The following HCRTR2 variants were observed in gnomAD, a reference collection of about 807,000 sequenced individuals.
HCRTR2 encodes the protein hypocretin receptor 2, also known as orexin receptor type 2.
Under a neutral mutation model 49.0 loss-of-function variants are expected in HCRTR2, and 22 were observed. That is an observed-to-expected ratio of 0.45 (90% CI 0.32 to 0.64). The LOEUF is 0.64. Ranked by LOEUF, HCRTR2 falls within the 30% of genes least tolerant of loss-of-function variation. The pLI, the probability that HCRTR2 is intolerant of heterozygous loss-of-function variation, is 0.04. For missense variants in HCRTR2, 491 were observed against 559.4 expected, an observed-to-expected ratio of 0.88 and a Z score of 1.23; for synonymous variants, 236 against 205.3, an observed-to-expected ratio of 1.15 and a Z score of -1.28.
chr6:55,215,801 A>G (rs1286272213), intron 1 of HCRTR2, among the ~76,000 whole-genome samples: 1 of 152,242 alleles, frequency 6.6e-6, no homozygotes, highest in Non-Finnish European at 1.5e-5. Flanking sequence ...CAAAGAAAAT[A>G]CCTACAGGTA....
At chr6:55,195,341 G>A (rs1213779433) in intron 1 of HCRTR2, among the ~76,000 whole-genome samples, 2 of 152,210 alleles carry the variant, frequency 1.3e-5, no homozygotes, top group South Asian at 2.1e-4. Flanking sequence ...ATACCATGAG[G>A]AAAGTGATCA....
chr6:55,122,794 A>G (rs1764219595), intron 1 of HCRTR2, among the ~76,000 whole-genome samples: 1 of 152,132 alleles, frequency 6.6e-6, no homozygotes, highest in Non-Finnish European at 1.5e-5. Context: ...GCCATAAAAA[A>G]TGATGAGTTC....
chr6:55,260,716 GAC>G (rs1286760263), intron 3 of HCRTR2, among the ~76,000 whole-genome samples: 1 of 152,158 alleles, frequency 6.6e-6, no homozygotes, highest in Non-Finnish European at 1.5e-5. Context: ...GCATCTGAAA[GAC>G]AGCCTATGGA....
intron 1 of HCRTR2, among the ~76,000 whole-genome samples, chr6:55,137,230 A>G (rs1186081954): frequency 6.6e-6 from 1 of 152,214 alleles, no homozygotes; most frequent in East Asian, 1.9e-4. Context: ...TAAGAAATAA[A>G]AAACCCTTCA....
chr6:55,150,040 C>T (rs1466918119), intron 1 of HCRTR2, among the ~76,000 whole-genome samples: 1 of 151,890 alleles, frequency 6.6e-6, no homozygotes, highest in Admixed American at 6.6e-5. Context: ...ATGATGTCAC[C>T]TTCAGGTCAA....
intron 1 of HCRTR2, among the ~76,000 whole-genome samples, chr6:55,191,033 C>A (rs184650681): frequency 6.6e-6 from 1 of 152,080 alleles, no homozygotes; most frequent in African/African-American, 2.4e-5. Flanking sequence ...ATTAAAACAC[C>A]TCCCTTGAAA....
At chr6:55,151,068 T>C (rs1275893424) in intron 1 of HCRTR2, among the ~76,000 whole-genome samples, 1 of 152,072 alleles carries the variant, frequency 6.6e-6, no homozygotes, top group Non-Finnish European at 1.5e-5. Context: ...AACAATCATC[T>C]GAATCTTTAG....
intron 3 of HCRTR2, among the ~76,000 whole-genome samples, chr6:55,258,707 T>A (rs1766698445): frequency 6.6e-6 from 1 of 152,152 alleles, no homozygotes; most frequent in Non-Finnish European, 1.5e-5. Flanking sequence ...AACCCACAAT[T>A]TCTTGCTTGC....
At chr6:55,192,282 G>C (rs1213306503) in intron 1 of HCRTR2, among the ~76,000 whole-genome samples, 2 of 152,040 alleles carry the variant, frequency 1.3e-5, no homozygotes, top group Non-Finnish European at 2.9e-5. Flanking sequence ...GGCTGGACAT[G>C]GTGGCTCACA....
chr6:55,282,239 G>A lies in HCRTR2; in HGVS notation c.1120G>A (p.Glu374Lys), dbSNP rs200240726. Residue 374 changes from glutamate (E) to lysine (K), a missense_variant, in exon 7 of 7, where the codon GAA (glutamate) becomes AAA (lysine). Physicochemically the swap from Glu to Lys is moderately conservative, Grantham distance 56 (BLOSUM62 1). Transcript: ENST00000370862. ...YNFLSGKFRE[E>K]FKAAFSCCCL... The stretch of plus-strand genomic sequence containing the variant: ...CTGTTTGCCAGGAAAATTTCGAGAG[G>A]AATTTAAAGCTGCGTTTTCTTGCTG... The A allele has an allele frequency of 1.2e-5, 19 of 1,613,198 alleles. No homozygotes were observed. Among genetic ancestry groups the A allele is most frequent in the Non-Finnish European group, 5.1e-6 (6 of 1,179,580 alleles).
upstream of HCRTR2, among the ~76,000 whole-genome samples, chr6:55,170,856 G>C (rs1009507847): frequency 6.6e-6 from 1 of 151,150 alleles, no homozygotes; most frequent in Non-Finnish European, 1.5e-5. Context: ...CCTTGCGATA[G>C]TTTGCTGAGA....
At chr6:55,204,552 T>C (rs895598161) in intron 1 of HCRTR2, among the ~76,000 whole-genome samples, 2 of 152,136 alleles carry the variant, frequency 1.3e-5, no homozygotes, top group Non-Finnish European at 2.9e-5. Flanking sequence ...CAGAGCCTGA[T>C]AGCTTGGATC....
intron 1 of HCRTR2, among the ~76,000 whole-genome samples, chr6:55,162,566 C>T (rs1764821718): frequency 6.6e-6 from 1 of 152,178 alleles, no homozygotes; most frequent in Non-Finnish European, 1.5e-5. Context: ...TTGTGGATGA[C>T]ATCATTGTAT....
chr6:55,202,425 T>G (rs978710568), intron 1 of HCRTR2, among the ~76,000 whole-genome samples: 1 of 152,206 alleles, frequency 6.6e-6, no homozygotes, highest in Non-Finnish European at 1.5e-5. Context: ...TAGTCTTCAT[T>G]ATCTTGTTTT....
chr6:55,225,326 C>T (rs1020291587), intron 1 of HCRTR2, among the ~76,000 whole-genome samples: 1 of 151,816 alleles, frequency 6.6e-6, no homozygotes, highest in African/African-American at 2.4e-5. Flanking sequence ...CTTTTATGTC[C>T]CTAGTTATTA....
intron 1 of HCRTR2, among the ~76,000 whole-genome samples, chr6:55,113,560 C>T (rs191684130): frequency 6.6e-6 from 1 of 151,882 alleles, no homozygotes; most frequent in Non-Finnish European, 1.5e-5. Context: ...CAGGAAAATG[C>T]AAATCAAAAC....
intron 1 of HCRTR2, chr6:55,240,649 T>C (rs1766310304): frequency 4.3e-6 from 1 of 230,358 alleles, no homozygotes; most frequent in Non-Finnish European, 8.9e-6. Context: ...AACAGTGTGA[T>C]GGAGTGAAAA....
At chr6:55,145,788 A>G (rs1352977963) in intron 1 of HCRTR2, among the ~76,000 whole-genome samples, 1 of 151,802 alleles carries the variant, frequency 6.6e-6, no homozygotes, top group African/African-American at 2.4e-5. Flanking sequence ...ATACCATACC[A>G]TATTCTCTCC....
At chr6:55,238,992 G>C (rs1333086311) in intron 1 of HCRTR2, among the ~76,000 whole-genome samples, 1 of 152,104 alleles carries the variant, frequency 6.6e-6, no homozygotes, top group African/African-American at 2.4e-5. Context: ...TGGCCCTGTA[G>C]AACTCTGAGA....
Sources: gnomAD v4.1 joint callset for allele counts (sites outside exome capture counted in the v4.1 genomes callset) on GRCh38, gnomAD v4.1.1 for gene constraint, MANE v1.5 for transcripts, NCBI Gene and HGNC (gene_info 2026-07-23, HGNC 2026-07-21) for gene names.